KLHL22: variants seen among roughly 807,000 people sequenced by gnomAD.
The protein encoded by KLHL22 is kelch-like protein 22.
A neutral mutation model predicts 60.7 loss-of-function variants in KLHL22; 18 were observed. The ratio of observed to expected loss-of-function variants is 0.30; its 90% CI spans 0.20 to 0.44. The LOEUF is 0.44. KLHL22 is among the 20% of genes least tolerant of loss of function. The pLI, the probability that KLHL22 is intolerant of heterozygous loss-of-function variation, is 1.00. For synonymous variants in KLHL22, 355 were observed against 354.5 expected, an observed-to-expected ratio of 1.00 and a Z score of -0.01; for missense variants, 596 against 852.3, an observed-to-expected ratio of 0.70 and a Z score of 3.74.
At chr22:20,457,066 C>T (rs1023455369) in intron 5 of KLHL22, among the ~76,000 whole-genome samples, 1 of 151,946 alleles carries the variant, frequency 6.6e-6, no homozygotes, top group Non-Finnish European at 1.5e-5. Context: ...GCCCTGTTCT[C>T]GGAGGCTGAG....
At chr22:20,447,949 G>A (rs148236163) in intron 5 of KLHL22, among the ~76,000 whole-genome samples, 3 of 152,228 alleles carry the variant, frequency 2.0e-5, no homozygotes, top group Non-Finnish European at 4.4e-5. Flanking sequence ...CATGGTAGGA[G>A]CCTGTGTCAC....
At chr22:20,476,281 C>T (rs1030807109) in intron 2 of KLHL22, among the ~76,000 whole-genome samples, 3 of 152,122 alleles carry the variant, frequency 2.0e-5, no homozygotes, top group African/African-American at 7.2e-5. Context: ...GGACTGTGCT[C>T]GTGCATGTAC....
At chr22:20,482,708 G>C (rs2053523330) in intron 2 of KLHL22, 2 of 585,362 alleles carry the variant, frequency 3.4e-6, no homozygotes, top group Non-Finnish European at 6.1e-6. Context: ...AAGTAGCTGG[G>C]ATTACAGGCA....
chr22:20,492,883 C>T (rs373620429), intron 1 of KLHL22, among the ~76,000 whole-genome samples: 14 of 152,304 alleles, frequency 9.2e-5, no homozygotes, highest in Admixed American at 2.0e-4. Context: ...TGAGCCACCG[C>T]GCCCGGCCCA....
rs893853776 is a variant in KLHL22, at chr22:20,450,195, C to G, written c.1306-3519G>C. ...AAATCAATCCTCAGTTCAATGAACT[C>G]CGTTGGGAAGAGCAATACCTTCTGT... On this transcript the variant is annotated intron_variant, in intron 5 of 6. Transcript: ENST00000328879. 23 of 805,346 alleles carry G rather than the reference C, an allele frequency of 2.9e-5. 1 individual carries two copies. In the Admixed American group the frequency reaches 3.7e-4, roughly 13 times the overall value. 49.9% of individuals were successfully genotyped at this position (805,346 alleles called of 1,614,324 possible).
In KLHL22 at chr22:20,495,165, C is replaced by T. The variant is rs147039261; in HGVS notation, c.-34+595G>A. ...GGTGGCGGTGCCCCGCTGCCCGCCC[C>T]AGATCCACTCGGCTCGGCCCGCACC... On this transcript the variant is annotated intron_variant, in intron 1 of 6. Transcript: ENST00000328879. This position sits in a 1 kb window ranked among gnomAD's most constrained non-coding sequence, Gnocchi z 4.6. Among the ~76,000 whole-genome samples the T allele has an allele frequency of 2.0e-5, 3 of 152,228 alleles. No homozygotes were observed. Among genetic ancestry groups the T allele is most frequent in the African/African-American group, 7.2e-5 (3 of 41,462 alleles).
chr22:20,479,909 T>C (rs1333553548), intron 2 of KLHL22, among the ~76,000 whole-genome samples: 2 of 152,170 alleles, frequency 1.3e-5, no homozygotes, highest in Non-Finnish European at 2.9e-5. Context: ...CCCATGTTCA[T>C]AGCAGCATTA....
In KLHL22 at chr22:20,465,260, G is replaced by T. The variant is rs2053215750; in HGVS notation, c.710C>A (p.Pro237His). 4.3e-6 allele frequency: 7 copies of T among 1,613,976 alleles called. No individual in the cohort carries two copies. The highest frequency in any genetic ancestry group is 5.1e-6 in the Non-Finnish European group (6 of 1,180,006). Residue 237 changes from proline to histidine, a missense_variant, in exon 4 of 7, where the codon CCC becomes CAC. Coordinates refer to ENST00000328879, the MANE Select transcript of KLHL22 (RefSeq NM_032775.4). The surrounding 1 kb of genome is among the most constrained non-coding windows in gnomAD (Gnocchi z 4.9). ...CCGCACTGTCTCAAGGAGCTTTGGG[G>T]GCTCGTGCAGCGAGATCTGGTCAGC... ...VQADQISLHE[P>H]PKLLETVRFP...
intron 5 of KLHL22, among the ~76,000 whole-genome samples, chr22:20,447,758 G>A (rs547909652): frequency 3.9e-5 from 6 of 152,212 alleles, no homozygotes; most frequent in Admixed American, 2.6e-4. Flanking sequence ...GGCCAGGATG[G>A]TCTCGATCTC....
At chr22:20,463,375 T>C (rs2053184289) in intron 4 of KLHL22, among the ~76,000 whole-genome samples, 1 of 152,158 alleles carries the variant, frequency 6.6e-6, no homozygotes, top group Non-Finnish European at 1.5e-5. Flanking sequence ...GAAAGTGAGA[T>C]CAATGGCCCA....
chr22:20,485,740 C>G (rs530624786), intron 2 of KLHL22, among the ~76,000 whole-genome samples: 1 of 151,980 alleles, frequency 6.6e-6, no homozygotes, highest in South Asian at 2.1e-4. Context: ...TGGTGGCACA[C>G]GTCTGTAATC....
At position 20,446,757 on chromosome 22, in the gene KLHL22, C is replaced by T. The variant is rs1023126659; in HGVS notation, c.1306-81G>A. Reference sequence around the variant, plus strand: ...GGTACTCTGTCAAGGCCAATCACCACCCCACACCTGCCTGACAACGCTGTG... The same window carrying T: ...GGTACTCTGTCAAGGCCAATCACCATCCCACACCTGCCTGACAACGCTGTG... On this transcript the variant is annotated intron_variant, in intron 5 of 6. Transcript: ENST00000328879. 13 of 1,021,884 alleles carry T rather than the reference C, an allele frequency of 1.3e-5. No individual in the cohort carries two copies. In the African/African-American group the frequency reaches 1.6e-4, roughly 12 times the overall value. The allele number at this position is 1,021,884 out of a possible 1,614,324, so 63.3% of individuals were successfully genotyped here. A position where few individuals can be genotyped will look rare whatever the true frequency, so the allele number is the denominator to read the frequency against.
chr22:20,443,304 C>G (rs1040717578), intron 6 of KLHL22, among the ~76,000 whole-genome samples: 1 of 151,970 alleles, frequency 6.6e-6, no homozygotes, highest in African/African-American at 2.4e-5. Flanking sequence ...AATATGCTAC[C>G]TTAAGCAGCC....
intron 5 of KLHL22, among the ~76,000 whole-genome samples, chr22:20,453,323 G>T (rs2053008971): frequency 6.6e-6 from 1 of 151,556 alleles, no homozygotes; most frequent in African/African-American, 2.4e-5. Context: ...ATTCATTTTG[G>T]TATATGGTAT....
intron 2 of KLHL22, chr22:20,481,038 A>T (rs538221465): frequency 6.6e-6 from 1 of 151,498 alleles, no homozygotes; most frequent in African/African-American, 2.4e-5. Flanking sequence ...TCACCATGTT[A>T]GCCAGGATGG....
At chr22:20,450,829 G>A in intron 5 of KLHL22, 2 of 1,552,458 alleles carry the variant, frequency 1.3e-6, no homozygotes, top group Non-Finnish European at 1.8e-6. Flanking sequence ...TGTAATAGAT[G>A]CTGAGCCTTT....
chr22:20,479,357 A>AT (rs1470948864), intron 2 of KLHL22, among the ~76,000 whole-genome samples: 1 of 152,192 alleles, frequency 6.6e-6, no homozygotes, highest in African/African-American at 2.4e-5. Flanking sequence ...CCTCATATCC[A>AT]TTAGGATGAC....
Position 20,489,005 on chromosome 22 carries a change from A to G in KLHL22, c.207T>C (p.Ala69=). 1 of 1,613,972 alleles carries G rather than the reference A, an allele frequency of 6.2e-7. No homozygotes were observed. Among genetic ancestry groups the G allele is most frequent in the East Asian group, 2.2e-5 (1 of 44,884 alleles). The part of the protein sequence containing the change: ...RHIEAHRILL[A]ASCDYFRGMF... ...CTCACCTGAAGTAATCGCAGGACGC[A>G]GCCAGCAGGATGCGATGGGCCTCGA... is the stretch of plus-strand genomic sequence containing the variant. Residue 69 remains alanine, a synonymous_variant, in exon 2 of 7, where the codon GCT becomes GCC. Transcript: ENST00000328879.
chr22:20,442,173 G>A lies in KLHL22; in HGVS notation c.1805C>T (p.Pro602Leu). The A allele has an allele frequency of 6.4e-7, 1 of 1,563,484 alleles. No homozygotes were observed. The highest frequency in any genetic ancestry group is 1.2e-5 in the South Asian group (1 of 83,370). Reference sequence around the variant, plus strand: ...CTGGCTGCGGTCAGGGGTCCCGCGGGGCGGCTCAAGGAGCAGGGAGCGGGG... The same window carrying A: ...CTGGCTGCGGTCAGGGGTCCCGCGGAGCGGCTCAAGGAGCAGGGAGCGGGG... ...TLPRSLLLEP[P>L]RGTPDRSQAD... is the part of the protein sequence containing the mutation. The change falls in exon 7 of 7, where the codon CCC becomes CTC. Residue 602 changes from proline to leucine, a missense_variant. Coordinates refer to ENST00000328879, the MANE Select transcript of KLHL22 (RefSeq NM_032775.4).
Sources: gnomAD v4.1 joint callset for allele counts (sites outside exome capture counted in the v4.1 genomes callset) on GRCh38, gnomAD v4.1.1 for gene constraint, Gnocchi (gnomAD v3.1) non-coding constraint, MANE v1.5 for transcripts, NCBI Gene and HGNC (gene_info 2026-07-23, HGNC 2026-07-21) for gene names.